Variants in RETSAT observed in about 807,000 individuals in gnomAD.
The protein encoded by RETSAT is retinol saturase.
Under a neutral mutation model 61.6 loss-of-function variants are expected in RETSAT, and 35 were observed. That is an observed-to-expected ratio of 0.57 (90% CI 0.43 to 0.75). RETSAT has a LOEUF of 0.75. Ranked by LOEUF, RETSAT falls within the 30% of genes least tolerant of loss-of-function variation. The pLI is 0.00. For synonymous variants in RETSAT, 277 were observed against 310.4 expected (o/e 0.89, Z 1.13); for missense variants, 670 against 759.5 (o/e 0.88, Z 1.38).
In RETSAT at chr2:85,342,965, C is replaced by T. The variant is rs566423195; in HGVS notation, c.*277G>A. 28 of 337,852 alleles carry T rather than the reference C, an allele frequency of 8.3e-5. No individual in the cohort carries two copies. The South Asian group carries it at 1.2e-3, about 14-fold the overall frequency. 20.9% of individuals were successfully genotyped at this position (337,852 alleles called of 1,614,324 possible). On this transcript the variant is annotated 3_prime_UTR_variant, in exon 11 of 11. Coordinates refer to ENST00000295802, the MANE Select transcript of RETSAT (RefSeq NM_017750.4). ...AGGCATGGGTGAGGGATGCAGAGCG[C>T]CGCTCGTCATGAGACATCAAGCTAT...
chr2:85,349,148 C>T (rs1046089059), intron 5 of RETSAT, among the ~76,000 whole-genome samples: 1 of 152,108 alleles, frequency 6.6e-6, no homozygotes. Context: ...TCTCAGCCTC[C>T]CAAAGTGCTG....
chr2:85,354,058 G>A (rs1233561202), intron 1 of RETSAT, among the ~76,000 whole-genome samples: 1 of 149,968 alleles, frequency 6.7e-6, no homozygotes, highest in East Asian at 1.9e-4. Flanking sequence ...CACGAGCCAC[G>A]GGGATTACAA....
At chr2:85,347,075 A>C (rs73945709) in intron 5 of RETSAT, among the ~76,000 whole-genome samples, 5,078 of 151,900 alleles carry the variant, frequency 0.033, 220 homozygotes, top group African/African-American at 0.1. Context: ...GCTGCTTCCC[A>C]TTCCTGGAAT....
chr2:85,351,550 GAA>G (rs1683299955), intron 2 of RETSAT, 128 bp downstream of exon 2: 1 of 954,296 alleles, frequency 1.0e-6, no homozygotes, highest in African/African-American at 1.7e-5. Flanking sequence ...AACAAACAAA[GAA>G]AAAAAGTACC....
Position 85,349,482 on chromosome 2 carries a change from G to T in RETSAT, c.899C>A (p.Ala300Asp). The T allele has an allele frequency of 6.2e-7, 1 of 1,614,152 alleles. No individual in the cohort carries two copies. Among genetic ancestry groups the T allele is most frequent in the Non-Finnish European group, 8.5e-7 (1 of 1,179,978 alleles). The change falls in exon 5 of 11, where the codon GCC (alanine) becomes GAC (aspartate). Residue 300 changes from alanine (A) to aspartate (D), a missense_variant. Physicochemically the swap from Ala to Asp is moderately radical, Grantham distance 126 (BLOSUM62 -2). Coordinates refer to ENST00000295802, the MANE Select transcript of RETSAT (RefSeq NM_017750.4). The stretch of plus-strand genomic sequence containing the variant: ...CTGAATCACAGGGATGGTGTGGAAG[G>T]CAATTTCACTGGAACCCCCTCGGGG... ...FYPRGGSSEI[A>D]FHTIPVIQRA...
intron 5 of RETSAT, among the ~76,000 whole-genome samples, chr2:85,348,759 CT>C (rs540873624): frequency 4.1e-5 from 6 of 145,154 alleles, no homozygotes; most frequent in Admixed American, 2.1e-4. Flanking sequence ...CTTTTCCTTT[CT>C]TTTTTTTTGA....
intron 6 of RETSAT, 82 bp downstream of exon 6, chr2:85,345,893 A>G: frequency 6.3e-7 from 1 of 1,579,880 alleles, no homozygotes; most frequent in Non-Finnish European, 8.7e-7. Flanking sequence ...GAGGAGAAGC[A>G]TGACCCACAC....
Position 85,349,441 on chromosome 2 carries a change from C to T in RETSAT, c.940G>A (p.Val314Ile). Reference protein sequence around the residue: ...IPVIQRAGGAVLTKATVQSVL... With the variant: ...IPVIQRAGGAILTKATVQSVL... ...CTCTGCACAGTGGCCTTTGTGAGGA[C>T]AGCGCCCCCAGCCCGCTGAATCACA... Residue 314 changes from valine to isoleucine, a missense_variant, in exon 5 of 11, where the codon GTC (valine) becomes ATC (isoleucine). Coordinates refer to ENST00000295802, the MANE Select transcript of RETSAT (RefSeq NM_017750.4). 6.2e-7 allele frequency: 1 copy of T among 1,614,176 alleles called. No individual in the cohort carries two copies. Among genetic ancestry groups the T allele is most frequent in the Non-Finnish European group, 8.5e-7 (1 of 1,180,038 alleles).
rs71337788 is a variant in RETSAT at position 85,343,149 on chromosome 2, C to T, written c.*93G>A. The T allele has an allele frequency of 1.4e-4, 219 of 1,536,468 alleles. No individual in the cohort carries two copies. The African/African-American group carries it at 1.6e-3, about 11-fold the overall frequency. On this transcript the variant is annotated 3_prime_UTR_variant, in exon 11 of 11. Transcript: ENST00000295802. ...CAGAACCAAATTAGAGTGCTTTATACGTGCAAGGAACTAATGCAGAAAGAC... is the reference window on the plus strand; with the variant it reads ...CAGAACCAAATTAGAGTGCTTTATATGTGCAAGGAACTAATGCAGAAAGAC...
intron 1 of RETSAT, among the ~76,000 whole-genome samples, chr2:85,352,918 G>A (rs1683330604): frequency 6.6e-6 from 1 of 152,120 alleles, no homozygotes; most frequent in Non-Finnish European, 1.5e-5. Flanking sequence ...TGCTATATGG[G>A]TACTTCCGAC....
At position 85,350,761 on chromosome 2, in the gene RETSAT, C is replaced by T. The variant is rs756887256; in HGVS notation, c.597+19G>A. ...CCTTATCGAGAACAAACTCTGGGTC[C>T]TCAGCATGTCCATGTTACCTTAACC... is the stretch of plus-strand genomic sequence containing the variant. On this transcript the variant is annotated intron_variant, in intron 3 of 10. Transcript: ENST00000295802. The T allele has an allele frequency of 1.9e-6, 3 of 1,613,994 alleles. No homozygotes were observed. The highest frequency in any genetic ancestry group is 1.7e-6 in the Non-Finnish European group (2 of 1,179,952).
intron 3 of RETSAT, 126 bp downstream of exon 3, chr2:85,350,654 C>T (rs757853709): frequency 2.7e-6 from 3 of 1,101,776 alleles, no homozygotes; most frequent in Non-Finnish European, 4.0e-6. Flanking sequence ...GAGCTAAGAA[C>T]AGATGTGACT....
chr2:85,343,223 T>G lies in RETSAT; in HGVS notation c.*19A>C, dbSNP rs1345438090. 3 of 1,612,244 alleles carry G rather than the reference T, an allele frequency of 1.9e-6. No individual in the cohort carries two copies. Among genetic ancestry groups the G allele is most frequent in the African/African-American group, 2.7e-5 (2 of 74,920 alleles). On this transcript the variant is annotated 3_prime_UTR_variant, in exon 11 of 11. Coordinates refer to ENST00000295802, the MANE Select transcript of RETSAT (RefSeq NM_017750.4). Reference sequence around the variant, plus strand: ...GCCCCAGCCATTGGGCAAATTCCTCTGACTCCTCCCTGATGGAACTAATTC... The same window carrying G: ...GCCCCAGCCATTGGGCAAATTCCTCGGACTCCTCCCTGATGGAACTAATTC...
At chr2:85,349,975 T>C (rs773347040) in intron 4 of RETSAT, 65 bp downstream of exon 4, 164 of 1,476,694 alleles carry the variant, frequency 1.1e-4, no homozygotes, top group Non-Finnish European at 1.5e-4. Context: ...AGAAGAAAGA[T>C]TGAGAGATGA....
At chr2:85,350,273 C>T in intron 3 of RETSAT, 32 bp from the exon 4 acceptor site, 2 of 1,519,542 alleles carry the variant, frequency 1.3e-6, no homozygotes, top group Non-Finnish European at 9.1e-7. Context: ...GCAGGCCTCA[C>T]CTCTAGAACC....
intron 1 of RETSAT, 21 bp downstream of exon 1, chr2:85,354,315 C>A (rs1683388764): frequency 6.2e-7 from 1 of 1,613,646 alleles, no homozygotes; most frequent in Non-Finnish European, 8.5e-7. Context: ...CAGCCCCGGA[C>A]CCCAGGGTCC....
chr2:85,346,636 A>T (rs1293001941), intron 5 of RETSAT, among the ~76,000 whole-genome samples: 3 of 152,110 alleles, frequency 2.0e-5, no homozygotes, highest in Non-Finnish European at 4.4e-5. Flanking sequence ...AGTTGTGCAC[A>T]CCTGTAGTCC....
rs757193302 is a variant in RETSAT, at chr2:85,343,290, G to A, written c.1785C>T (p.Asp595=). Residue 595 remains aspartate, a synonymous_variant, in exon 11 of 11, where the codon GAC becomes GAT. Transcript: ENST00000295802. ...GGATCCTAGAATCAAGATTCTTAAG[G>A]TCTGAGTACAAGTTCCGCTTCAGGA... The part of the protein sequence containing the change: ...SAILKRNLYS[D]LKNLDSRIRA... The A allele has an allele frequency of 1.2e-6, 2 of 1,614,300 alleles. No individual in the cohort carries two copies. The highest frequency in any genetic ancestry group is 1.1e-5 in the South Asian group (1 of 91,090).
At chr2:85,352,849 T>TG (rs1683327191) in intron 1 of RETSAT, among the ~76,000 whole-genome samples, 1 of 152,164 alleles carries the variant, frequency 6.6e-6, no homozygotes, top group African/African-American at 2.4e-5. Context: ...AGGGAAGGTC[T>TG]GGGGGCAGTG....
Sources: gnomAD v4.1 joint callset for allele counts (sites outside exome capture counted in the v4.1 genomes callset) on GRCh38, gnomAD v4.1.1 for gene constraint, MANE v1.5 for transcripts, NCBI Gene and HGNC (gene_info 2026-07-23, HGNC 2026-07-21) for gene names.